The following KRT20 variants were observed in gnomAD, a reference collection of about 807,000 sequenced individuals.
KRT20 encodes keratin 20.
Under a neutral mutation model 43.0 loss-of-function variants are expected in KRT20, and 41 were observed. The observed-to-expected ratio is 0.95, with a 90% CI of 0.74 to 1.24. The LOEUF is 1.24. Among genes scored for constraint, KRT20 ranks in the 50% most tolerant of loss-of-function variants. KRT20 has a pLI of 0.00. For synonymous variants in KRT20, 207 were observed against 200.6 expected (o/e 1.03, Z -0.27); for missense variants, 533 against 521.2 (o/e 1.02, Z -0.22).
rs778750645 is a variant in KRT20 at position 40,885,071 on chromosome 17, C to T, written c.115G>A (p.Ala39Thr). ...LGTTPSVYGG[A>T]GGRGIRISNS... ...GAGATGCGGATGCCCCGGCCTCCAG[C>T]ACCCCCATAAACGCTGGGTGTCGTC... Residue 39 changes from alanine to threonine, a missense_variant, in exon 1 of 8, where the codon GCT (alanine) becomes ACT (threonine). Coordinates refer to ENST00000167588, the MANE Select transcript of KRT20 (RefSeq NM_019010.3). The T allele has an allele frequency of 1.9e-6, 3 of 1,614,042 alleles. No individual in the cohort carries two copies. The African/African-American group carries it at 4.0e-5, about 22-fold the overall frequency.
Position 40,879,819 on chromosome 17 carries a change from G to A in KRT20, c.912C>T (p.Leu304=), listed in dbSNP as rs758767976. ...QSLEIELQSH[L]SMKESLEHTL... ...GAAGTTAGATATGCTTTACCATGCT[G>A]AGATGGGACTGGAGTTCTATCTCAA... Residue 304 remains leucine, a synonymous_variant, in exon 5 of 8, where the codon CTC becomes CTT. Transcript: ENST00000167588. The A allele has an allele frequency of 1.9e-6, 3 of 1,612,970 alleles. No individual in the cohort carries two copies. The South Asian group carries it at 3.3e-5, about 18-fold the overall frequency.
At position 40,884,856 on chromosome 17, in the gene KRT20, G is replaced by A. The variant is rs1907736865; in HGVS notation, c.330C>T (p.Ala110=). Residue 110 remains alanine (A), a synonymous_variant, in exon 1 of 8, where the codon GCC becomes GCT. Transcript: ENST00000167588. ...CACTGTAGTCGCGACCAGCCCTCGG[G>A]GCGTTGGTTTCGTACCACTGCTTGA... The part of the protein sequence containing the change: ...VQIKQWYETN[A]PRAGRDYSAY... The A allele has an allele frequency of 1.9e-6, 3 of 1,614,030 alleles. No homozygotes were observed. The highest frequency in any genetic ancestry group is 1.7e-5 in the Admixed American group (1 of 60,006).
rs144086569 is a variant in KRT20 at position 40,885,115 on chromosome 17, A to T, written c.71T>A (p.Val24Glu). 2 of 1,613,322 alleles carry T rather than the reference A, an allele frequency of 1.2e-6. No homozygotes were observed. Among genetic ancestry groups the T allele is most frequent in the African/African-American group, 2.7e-5 (2 of 74,864 alleles). ...SSLQAPVVST[V>E]GMQRLGTTPS... is the part of the protein sequence containing the mutation. ...TGTCGTCCCGAGGCGCTGCATGCCCACTGTACTGACTACAGGGGCCTGCAA... is the reference window on the plus strand; with the variant it reads ...TGTCGTCCCGAGGCGCTGCATGCCCTCTGTACTGACTACAGGGGCCTGCAA... The change falls in exon 1 of 8, where the codon GTG (valine) becomes GAG (glutamate). Residue 24 changes from valine to glutamate, a missense_variant. Physicochemically the swap from Val to Glu is moderately radical, Grantham distance 121. Transcript: ENST00000167588.
rs376739999 is a variant in KRT20, at chr17:40,880,069, G to C, written c.792+31C>G. ...TGTTTCTGGAGGAAAGCATCTACACGTTTGCTCACCCTTTAGAATTGTGTG... is the reference window on the plus strand; with the variant it reads ...TGTTTCTGGAGGAAAGCATCTACACCTTTGCTCACCCTTTAGAATTGTGTG... On this transcript the variant is annotated intron_variant, in intron 4 of 7. Coordinates refer to ENST00000167588, the MANE Select transcript of KRT20 (RefSeq NM_019010.3). The C allele has an allele frequency of 3.7e-5, 59 of 1,601,362 alleles. No individual in the cohort carries two copies. In the Middle Eastern group the frequency reaches 6.7e-4, roughly 18 times the overall value.
chr17:40,878,351 C>G lies in KRT20; in HGVS notation c.933G>C (p.Glu311Asp). 1 of 1,613,618 alleles carries G rather than the reference C, an allele frequency of 6.2e-7. No individual in the cohort carries two copies. The highest frequency in any genetic ancestry group is 8.5e-7 in the Non-Finnish European group (1 of 1,179,660). The change falls in exon 6 of 8, where the codon GAG (glutamate) becomes GAC (aspartate). Residue 311 changes from glutamate to aspartate, a missense_variant. Glu to Asp is a conservative substitution (Grantham distance 45, BLOSUM62 2). Coordinates refer to ENST00000167588, the MANE Select transcript of KRT20 (RefSeq NM_019010.3). ...QSHLSMKESL[E>D]HTLEETKARY... ...GGGCCTTGGTCTCCTCTAGAGTGTG[C>G]TCCAAAGACTCTTTCTATGAGCACA...
chr17:40,878,193 T>A lies in KRT20; in HGVS notation c.1091A>T (p.Glu364Val). The A allele has an allele frequency of 6.2e-7, 1 of 1,614,132 alleles. No individual in the cohort carries two copies. Among genetic ancestry groups the A allele is most frequent in the Non-Finnish European group, 8.5e-7 (1 of 1,180,016 alleles). The stretch of plus-strand genomic sequence containing the variant: ...GCGGCGGTAAGTAGCAATTTCCTGT[T>A]CAAGTCGAGTCTTTATGTCAAGAAG... ...HILLDIKTRL[E>V]QEIATYRRLL... Residue 364 changes from glutamate to valine, a missense_variant, in exon 6 of 8, where the codon GAA becomes GTA. Transcript: ENST00000167588.
intron 3 of KRT20, among the ~76,000 whole-genome samples, 153 bp downstream of exon 3, chr17:40,880,460 AG>A (rs1185660859): frequency 1.3e-5 from 2 of 152,206 alleles, no homozygotes; most frequent in African/African-American, 4.8e-5. Context: ...TATGAAAAGA[AG>A]GTAGGGCTTG....
At chr17:40,879,996 C>T in intron 4 of KRT20, 58 bp from the exon 5 acceptor site, 1 of 1,599,928 alleles carries the variant, frequency 6.3e-7, no homozygotes, top group Non-Finnish European at 8.5e-7. Flanking sequence ...AAAGAAAAGA[C>T]AGAAAGAGAA....
At chr17:40,877,301 C>T (rs1406310094) in intron 7 of KRT20, 79 bp downstream of exon 7, 4 of 980,774 alleles carry the variant, frequency 4.1e-6, no homozygotes, top group East Asian at 5.4e-5. Flanking sequence ...AACAGCCTCA[C>T]TTTACTTTTT....
Position 40,885,147 on chromosome 17 carries a change from G to A in KRT20, c.39C>T (p.Ser13=). 6.2e-7 allele frequency: 1 copy of A among 1,609,538 alleles called. No homozygotes were observed. The highest frequency in any genetic ancestry group is 1.1e-5 in the South Asian group (1 of 90,940). ...FSRRSFHRSL[S]SSLQAPVVST... is the part of the protein sequence containing the mutation. Reference sequence around the variant, plus strand: ...TGACTACAGGGGCCTGCAAGGAGGAGCTCAGGCTTCTGTGGAAGCTTCTGC... The same window carrying A: ...TGACTACAGGGGCCTGCAAGGAGGAACTCAGGCTTCTGTGGAAGCTTCTGC... Residue 13 remains serine (S), a synonymous_variant, in exon 1 of 8, where the codon AGC becomes AGT. Transcript: ENST00000167588.
chr17:40,884,931 T>C lies in KRT20; in HGVS notation c.255A>G (p.Leu85=). The C allele has an allele frequency of 1.2e-6, 2 of 1,614,222 alleles. No individual in the cohort carries two copies. Among genetic ancestry groups the C allele is most frequent in the Non-Finnish European group, 1.7e-6 (2 of 1,180,038 alleles). ...ACTGCTCCAGGGTCCGCACCTTTTC[T>C]AGGTAGCTCGCTAGACGGTCATTTA... The part of the protein sequence containing the change: ...QNLNDRLASY[L]EKVRTLEQSN... Residue 85 remains leucine, a synonymous_variant, in exon 1 of 8, where the codon CTA becomes CTG. Coordinates refer to ENST00000167588, the MANE Select transcript of KRT20 (RefSeq NM_019010.3).
rs751486954 is a variant in KRT20 at position 40,878,324 on chromosome 17, A to T, written c.960T>A (p.Arg320=). Residue 320 remains arginine, a synonymous_variant, in exon 6 of 8, where the codon CGT becomes CGA. Transcript: ENST00000167588. ...LEHTLEETKA[R]YSSQLANLQS... ...GGAGGTTGGCTAACTGGCTGCTGTA[A>T]CGGGCCTTGGTCTCCTCTAGAGTGT... The T allele has an allele frequency of 5.0e-6, 8 of 1,613,930 alleles. No individual in the cohort carries two copies. Among genetic ancestry groups the T allele is most frequent in the Non-Finnish European group, 6.8e-6 (8 of 1,179,940 alleles).
intron 4 of KRT20, 44 bp downstream of exon 4, chr17:40,880,056 A>T (rs1907528553): frequency 6.3e-7 from 1 of 1,594,640 alleles, no homozygotes; most frequent in Non-Finnish European, 8.6e-7. Flanking sequence ...TTTCTGGAGG[A>T]AAGCATCTAC....
intron 6 of KRT20, 69 bp downstream of exon 6, chr17:40,878,076 G>T: frequency 7.8e-7 from 1 of 1,285,770 alleles, no homozygotes; most frequent in Non-Finnish European, 1.1e-6. Context: ...TGGGTAATGA[G>T]TGACAGGGAC....
intron 5 of KRT20, among the ~76,000 whole-genome samples, chr17:40,879,542 G>C (rs952839706): frequency 3.3e-5 from 5 of 151,976 alleles, no homozygotes; most frequent in African/African-American, 1.2e-4. Flanking sequence ...ATGTACTCCT[G>C]AACTTAAAAG....
Position 40,877,420 on chromosome 17 carries a change from GTTT to G in KRT20, c.1140-6_1140-4del. ...TGCTTAACTGATATTCTGTAGTTCT[GTTT>G]TTTTTTTTAATGAAAAGAAGAAAAA... On this transcript the variant is annotated splice_region_variant and splice_polypyrimidine_tract_variant and intron_variant, in intron 6 of 7. Coordinates refer to ENST00000167588, the MANE Select transcript of KRT20 (RefSeq NM_019010.3). 3.3e-6 allele frequency: 4 copies of G among 1,219,312 alleles called. No homozygotes were observed. The highest frequency in any genetic ancestry group is 3.1e-5 in the East Asian group (1 of 31,776). 75.5% of individuals were successfully genotyped at this position (1,219,312 alleles called of 1,614,324 possible). A position where few individuals can be genotyped will look rare whatever the true frequency, so the allele number is the denominator to read the frequency against.
chr17:40,882,487 A>G, intron 2 of KRT20, 85 bp downstream of exon 2: 2 of 594,766 alleles, frequency 3.4e-6, no homozygotes, highest in Non-Finnish European at 2.8e-6. Context: ...TCCTTTATCA[A>G]CAATGATATG....
chr17:40,881,890 TGAGACAA>T (rs1907616082), intron 2 of KRT20, among the ~76,000 whole-genome samples: 1 of 151,670 alleles, frequency 6.6e-6, no homozygotes. Flanking sequence ...TTTTTTTTTT[TGAGACAA>T]GGTCTCAGTC....
chr17:40,882,529 G>T, intron 2 of KRT20, 43 bp downstream of exon 2: 1 of 1,077,628 alleles, frequency 9.3e-7, no homozygotes, highest in South Asian at 1.5e-5. Flanking sequence ...ACTACTAAAG[G>T]AATTCTTTTT....
Sources: gnomAD v4.1 joint callset for allele counts (sites outside exome capture counted in the v4.1 genomes callset) on GRCh38, gnomAD v4.1.1 for gene constraint, MANE v1.5 for transcripts, NCBI Gene and HGNC (gene_info 2026-07-23, HGNC 2026-07-21) for gene names.